DCAF6: variants seen among roughly 807,000 people sequenced by gnomAD.
DCAF6 encodes the protein DDB1- and CUL4-associated factor 6.
In DCAF6, 54 loss-of-function variants were observed where a neutral mutation model predicts 125.1. The ratio of observed to expected loss-of-function variants is 0.43; its 90% CI spans 0.35 to 0.54. The LOEUF (loss-of-function observed/expected upper bound fraction) is 0.54. Ranked by LOEUF, DCAF6 falls within the 20% of genes least tolerant of loss-of-function variation. DCAF6 has a pLI of 0.01. For synonymous variants in DCAF6, 371 were observed against 390.4 expected, an observed-to-expected ratio of 0.95 and a Z score of 0.58; for missense variants, 934 against 1,161.7, an observed-to-expected ratio of 0.80 and a Z score of 2.85.
intron 12 of DCAF6, among the ~76,000 whole-genome samples, chr1:168,026,038 T>G (rs1686299132): frequency 6.6e-6 from 1 of 152,192 alleles, no homozygotes; most frequent in South Asian, 2.1e-4. Context: ...AACTACTTTT[T>G]TGTTGAGCAA....
chr1:168,001,711 G>A (rs1682662582), intron 7 of DCAF6, among the ~76,000 whole-genome samples: 1 of 152,116 alleles, frequency 6.6e-6, no homozygotes. Flanking sequence ...GAAAATGGAT[G>A]TAGGTATAGA....
At chr1:167,896,473 C>A in the DCAF6 span, 1 of 812,392 alleles carries the variant, frequency 1.2e-6, no homozygotes, top group Non-Finnish European at 2.2e-6. Context: ...CCTTTGTGTG[C>A]TGGTAAGGAC....
At chr1:167,987,760 A>G (rs1012418703) in intron 5 of DCAF6, 152 bp downstream of exon 5, 1 of 530,224 alleles carries the variant, frequency 1.9e-6, no homozygotes, top group African/African-American at 1.9e-5. Context: ...TGTTTTGCTA[A>G]AATATTTAAT....
intron 16 of DCAF6, among the ~76,000 whole-genome samples, chr1:168,049,136 A>G (rs1314077465): frequency 1.3e-5 from 2 of 152,274 alleles, no homozygotes; most frequent in African/African-American, 4.8e-5. Context: ...TTAAAAAAAT[A>G]AAATTAGTCC....
At chr1:168,009,376 TTCC>T (rs1683882229) in intron 10 of DCAF6, among the ~76,000 whole-genome samples, 5 of 145,406 alleles carry the variant, frequency 3.4e-5, no homozygotes, top group Non-Finnish European at 7.5e-5. Flanking sequence ...CCTTCCTTCC[TTCC>T]TTCCTTCCTT....
the DCAF6 span, among the ~76,000 whole-genome samples, chr1:167,897,244 G>A: frequency 6.6e-6 from 1 of 151,390 alleles, no homozygotes; most frequent in Admixed American, 6.6e-5. Context: ...CTAGCACTTT[G>A]GGAGGCTGAG....
At chr1:167,918,334 CT>C in the DCAF6 span, 1 of 1,567,800 alleles carries the variant, frequency 6.4e-7, no homozygotes, top group Non-Finnish European at 8.8e-7. Context: ...TATTTGTGTG[CT>C]TTAGCTTTTA....
intron 1 of DCAF6, among the ~76,000 whole-genome samples, chr1:167,939,150 C>T (rs1233569479): frequency 1.3e-5 from 2 of 152,286 alleles, no homozygotes; most frequent in East Asian, 1.9e-4. Context: ...GACCTTTACA[C>T]TGTTATTCAG....
intron 17 of DCAF6, among the ~76,000 whole-genome samples, chr1:168,061,343 C>G (rs1365931812): frequency 2.0e-5 from 3 of 152,038 alleles, no homozygotes; most frequent in Non-Finnish European, 4.4e-5. Flanking sequence ...AAGTAAACAT[C>G]TTTTTATTAT....
intron 21 of DCAF6, among the ~76,000 whole-genome samples, chr1:168,072,071 G>A (rs1478605738): frequency 6.6e-6 from 1 of 151,876 alleles, no homozygotes; most frequent in East Asian, 1.9e-4. Flanking sequence ...GCCGAGGCGG[G>A]TAGATCACGA....
At chr1:167,898,999 C>T in the DCAF6 span, among the ~76,000 whole-genome samples, 2 of 152,146 alleles carry the variant, frequency 1.3e-5, no homozygotes, top group Non-Finnish European at 2.9e-5. Flanking sequence ...AACTTCGCCG[C>T]ACTTGCTCAA....
chr1:168,038,586 T>C (rs2101739957), intron 13 of DCAF6, 98 bp downstream of exon 13: 1 of 881,258 alleles, frequency 1.1e-6, no homozygotes, highest in Non-Finnish European at 1.7e-6. Flanking sequence ...TTTGTTTTGC[T>C]ATAAGGTATT....
At chr1:167,911,261 T>C in the DCAF6 span, among the ~76,000 whole-genome samples, 51 of 152,230 alleles carry the variant, frequency 3.4e-4, no homozygotes, top group Non-Finnish European at 6.5e-4. Context: ...CCCGTCTAAT[T>C]AGGAATAAAT....
the DCAF6 span, among the ~76,000 whole-genome samples, chr1:167,918,848 C>G: frequency 3.3e-5 from 5 of 152,062 alleles, no homozygotes; most frequent in Admixed American, 2.6e-4. Flanking sequence ...CTGCCTCGGC[C>G]TCCCAAAGTG....
Position 168,036,687 on chromosome 1 carries a change from A to G in DCAF6, c.1610-1684A>G, listed in dbSNP as rs1687850858. Among the ~76,000 whole-genome samples, 4 of 152,114 alleles carry G rather than the reference A, an allele frequency of 2.6e-5. No homozygotes were observed. In the South Asian group the frequency reaches 8.3e-4, roughly 31 times the overall value. On this transcript the variant is annotated intron_variant, in intron 12 of 21. Coordinates refer to ENST00000367840, the MANE Select transcript of DCAF6 (RefSeq NM_001198956.2). ...CAAGGATAGGGCAGATGTTTCCTTA[A>G]TACATTTCTGTAAGCTAAAGGTCTA...
chr1:167,895,500 T>A, the DCAF6 span, among the ~76,000 whole-genome samples: 1 of 152,222 alleles, frequency 6.6e-6, no homozygotes, highest in Non-Finnish European at 1.5e-5. Context: ...TTCAAAGATG[T>A]TTCTGATGTT....
intron 16 of DCAF6, among the ~76,000 whole-genome samples, chr1:168,046,113 G>T (rs532405602): frequency 6.6e-6 from 1 of 152,030 alleles, no homozygotes; most frequent in Non-Finnish European, 1.5e-5. Flanking sequence ...CATGATGATG[G>T]GTTTGAATAC....
intron 14 of DCAF6, among the ~76,000 whole-genome samples, chr1:168,044,191 G>A (rs1047861586): frequency 1.3e-5 from 2 of 152,040 alleles, no homozygotes; most frequent in African/African-American, 4.8e-5. Flanking sequence ...CTCAGAAAGG[G>A]TTAAGAACCA....
the DCAF6 span, chr1:167,870,162 T>C: frequency 1.4e-6 from 2 of 1,382,530 alleles, no homozygotes; most frequent in Non-Finnish European, 2.1e-6. Context: ...AGGTTATAGA[T>C]AATTTACATA....
Sources: gnomAD v4.1 joint callset for allele counts (sites outside exome capture counted in the v4.1 genomes callset) on GRCh38, gnomAD v4.1.1 for gene constraint, MANE v1.5 for transcripts, NCBI Gene and HGNC (gene_info 2026-07-23, HGNC 2026-07-21) for gene names.